ADD3: variants seen among roughly 807,000 people sequenced by gnomAD.
ADD3 encodes gamma-adducin.
A neutral mutation model predicts 80.2 loss-of-function variants in ADD3; 25 were observed. The ratio of observed to expected loss-of-function variants is 0.31; its 90% CI spans 0.23 to 0.44. The LOEUF (loss-of-function observed/expected upper bound fraction) is 0.44, where lower values mean the gene tolerates loss of function less well. Among genes scored for constraint, ADD3 ranks in the 20% least tolerant of loss-of-function variants. The pLI, the probability that ADD3 is intolerant of heterozygous loss-of-function variation, is 1.00. For synonymous variants in ADD3, 284 were observed against 289.6 expected (o/e 0.98, Z 0.20); for missense variants, 829 against 847.5 (o/e 0.98, Z 0.27).
intron 1 of ADD3, among the ~76,000 whole-genome samples, chr10:110,026,296 T>C (rs1854294725): frequency 6.6e-6 from 1 of 151,904 alleles, no homozygotes; most frequent in South Asian, 2.1e-4. Context: ...TTTTTTTTTT[T>C]TTGAAACGGA....
chr10:110,029,359 T>C (rs1170129212), intron 1 of ADD3, among the ~76,000 whole-genome samples: 1 of 152,252 alleles, frequency 6.6e-6, no homozygotes, highest in Non-Finnish European at 1.5e-5. Flanking sequence ...ACTTGGTGAC[T>C]ATACTTCTTG....
chr10:110,125,600 A>G (rs1375727663), intron 10 of ADD3, among the ~76,000 whole-genome samples: 2 of 152,162 alleles, frequency 1.3e-5, no homozygotes, highest in Non-Finnish European at 2.9e-5. Flanking sequence ...TAGCAGTATA[A>G]TTGAATATTT....
chr10:110,004,229 G>A (rs1230812632), upstream of ADD3, among the ~76,000 whole-genome samples: 1 of 151,588 alleles, frequency 6.6e-6, no homozygotes, highest in Non-Finnish European at 1.5e-5. Context: ...TCTCCCTGTA[G>A]GAGGCATTAA....
chr10:110,090,216 CTTT>C (rs144120692), intron 1 of ADD3, among the ~76,000 whole-genome samples: 3 of 113,924 alleles, frequency 2.6e-5, no homozygotes. Flanking sequence ...ACCTACTTGA[CTTT>C]TTTTTTTTTT....
chr10:110,055,319 G>A (rs1347124806), intron 1 of ADD3, among the ~76,000 whole-genome samples: 2 of 152,054 alleles, frequency 1.3e-5, no homozygotes, highest in East Asian at 1.9e-4. Flanking sequence ...GCTACTTGTT[G>A]CTATTACCCT....
At chr10:110,088,526 G>A (rs902687738) in intron 1 of ADD3, among the ~76,000 whole-genome samples, 1 of 152,158 alleles carries the variant, frequency 6.6e-6, no homozygotes. Flanking sequence ...AGATCAAGTT[G>A]TGATGATCTT....
intron 2 of ADD3, chr10:110,112,359 A>T (rs1246585103): frequency 6.5e-6 from 1 of 154,404 alleles, no homozygotes; most frequent in Non-Finnish European, 1.4e-5. Flanking sequence ...ACCTCAGGTG[A>T]TCCACCCGCC....
At chr10:110,107,529 A>G (rs190550910) in intron 2 of ADD3, among the ~76,000 whole-genome samples, 132 of 152,252 alleles carry the variant, frequency 8.7e-4, no homozygotes, top group African/African-American at 3.0e-3. Context: ...TGCAGTACCA[A>G]GCCATTTTGA....
chr10:110,092,096 G>A (rs1043143095), intron 1 of ADD3, among the ~76,000 whole-genome samples: 3 of 152,148 alleles, frequency 2.0e-5, no homozygotes. Flanking sequence ...ACAGATGTTG[G>A]CGAGGTTGTG....
chr10:110,073,849 C>CA (rs1236235731), intron 1 of ADD3, among the ~76,000 whole-genome samples: 1 of 152,020 alleles, frequency 6.6e-6, no homozygotes, highest in Non-Finnish European at 1.5e-5. Context: ...TAGAGGAACC[C>CA]ATGGAAGCAG....
chr10:110,022,625 A>G (rs1010098921), intron 1 of ADD3, among the ~76,000 whole-genome samples: 3 of 152,234 alleles, frequency 2.0e-5, no homozygotes, highest in Non-Finnish European at 4.4e-5. Context: ...AGTATTTTAA[A>G]GGAAGCATAT....
chr10:110,064,275 G>A (rs564699125), intron 1 of ADD3, among the ~76,000 whole-genome samples: 1 of 152,162 alleles, frequency 6.6e-6, no homozygotes, highest in Non-Finnish European at 1.5e-5. Flanking sequence ...AGGAGTGGCT[G>A]GCTTACAGGG....
intron 1 of ADD3, among the ~76,000 whole-genome samples, chr10:110,054,803 A>G (rs751368155): frequency 6.6e-6 from 1 of 151,862 alleles, no homozygotes; most frequent in Non-Finnish European, 1.5e-5. Context: ...TTTAGTAGAG[A>G]CAGGGTTTCA....
At chr10:109,999,469 T>C (rs1378842697) in intron 1 of ADD3, among the ~76,000 whole-genome samples, 1 of 152,240 alleles carries the variant, frequency 6.6e-6, no homozygotes, top group Non-Finnish European at 1.5e-5. Context: ...CCAGCAGGAA[T>C]TGACCTCTAT....
At chr10:110,122,017 T>C in intron 8 of ADD3, 93 bp from the exon 9 acceptor site, 4 of 1,118,378 alleles carry the variant, frequency 3.6e-6, no homozygotes. Context: ...ATTATAGATA[T>C]TTGCCAAATT....
chr10:110,011,616 T>C (rs754216729), intron 1 of ADD3, among the ~76,000 whole-genome samples: 3 of 152,234 alleles, frequency 2.0e-5, no homozygotes, highest in Admixed American at 6.5e-5. Flanking sequence ...TTTGAAAATA[T>C]TAAATATGTA....
intron 1 of ADD3, among the ~76,000 whole-genome samples, chr10:110,097,331 A>G (rs1848287731): frequency 6.6e-6 from 1 of 152,222 alleles, no homozygotes; most frequent in African/African-American, 2.4e-5. Flanking sequence ...AGAACATGGT[A>G]TACTATAAAA....
rs968783006 is a variant in ADD3, at chr10:110,064,616, A to G, written c.-29-36009A>G. 6.6e-5 allele frequency among the ~76,000 whole-genome samples: 10 copies of G among 152,194 alleles called. No individual in the cohort carries two copies. In the East Asian group the frequency reaches 1.9e-3, roughly 29 times the overall value. On this transcript the variant is annotated intron_variant, in intron 1 of 14. Coordinates refer to ENST00000356080, the MANE Select transcript of ADD3 (RefSeq NM_016824.5). ...TTTTATTATTGATATCAGTGGTCTA[A>G]AAAGATATATTCTGGATTATCTTTT... is the stretch of plus-strand genomic sequence containing the variant.
Position 110,121,680 on chromosome 10 carries a change from TAATTA to T in ADD3, c.961-423_961-419del, listed in dbSNP as rs1851519718. The stretch of plus-strand genomic sequence containing the variant: ...TTCTCAAATGGGGCTATGAAAAGCT[TAATTA>T]AATTAAGATAATGAGCTGATGGCTT... On this transcript the variant is annotated intron_variant, in intron 8 of 14. Coordinates refer to ENST00000356080, the MANE Select transcript of ADD3 (RefSeq NM_016824.5). Among the ~76,000 whole-genome samples, 3 of 152,256 alleles carry T rather than the reference TAATTA, an allele frequency of 2.0e-5. No homozygotes were observed. The South Asian group carries it at 6.2e-4, about 31-fold the overall frequency.
Sources: gnomAD v4.1 joint callset for allele counts (sites outside exome capture counted in the v4.1 genomes callset) on GRCh38, gnomAD v4.1.1 for gene constraint, MANE v1.5 for transcripts, NCBI Gene and HGNC (gene_info 2026-07-23, HGNC 2026-07-21) for gene names.